Variants in NFATC3 observed in about 807,000 individuals in gnomAD.
NFATC3 encodes nuclear factor of activated T cells 3.
In NFATC3, 46 loss-of-function variants were observed where a neutral mutation model predicts 98.6. The ratio of observed to expected loss-of-function variants is 0.47; its 90% CI spans 0.37 to 0.60. NFATC3 has a LOEUF of 0.60. Ranked by LOEUF, NFATC3 falls within the 20% of genes least tolerant of loss-of-function variation. NFATC3 has a pLI of 0.00. For missense variants in NFATC3, 1,256 were observed against 1,295.5 expected, an observed-to-expected ratio of 0.97 and a Z score of 0.47; for synonymous variants, 512 against 472.2, an observed-to-expected ratio of 1.08 and a Z score of -1.09.
chr16:68,194,977 G>A (rs958237730), intron 9 of NFATC3, among the ~76,000 whole-genome samples: 1 of 152,110 alleles, frequency 6.6e-6, no homozygotes, highest in Non-Finnish European at 1.5e-5. Context: ...AAGGAGCCAG[G>A]TGCCGTGGCT....
chr16:68,176,913 T>C (rs772859674), intron 6 of NFATC3, among the ~76,000 whole-genome samples: 1 of 152,190 alleles, frequency 6.6e-6, no homozygotes, highest in Non-Finnish European at 1.5e-5. Flanking sequence ...CAGGGGACTG[T>C]CTTTGTGGGG....
chr16:68,112,123 C>G (rs2035976060), intron 1 of NFATC3, among the ~76,000 whole-genome samples: 2 of 151,994 alleles, frequency 1.3e-5, no homozygotes, highest in Non-Finnish European at 2.9e-5. Flanking sequence ...GAGTATCTTA[C>G]TGGGTTTCTC....
At chr16:68,116,219 A>G (rs1391906931) in intron 1 of NFATC3, among the ~76,000 whole-genome samples, 1 of 152,000 alleles carries the variant, frequency 6.6e-6, no homozygotes, top group Non-Finnish European at 1.5e-5. Flanking sequence ...GAAACCATTT[A>G]AAACCATTAG....
intron 1 of NFATC3, among the ~76,000 whole-genome samples, chr16:68,100,825 G>C (rs2035303733): frequency 6.6e-6 from 1 of 151,444 alleles, no homozygotes. Flanking sequence ...TTTTGGTCTA[G>C]TGTCTAAGTC....
At chr16:68,123,189 T>G in intron 2 of NFATC3, 68 bp downstream of exon 2, 1 of 1,480,984 alleles carries the variant, frequency 6.8e-7, no homozygotes, top group Non-Finnish European at 9.0e-7. Flanking sequence ...TATAACTACA[T>G]TATCAGTATA....
Position 68,121,975 on chromosome 16 carries a change from TCCTCCCCGTAGA to T in NFATC3, c.104-11_104del. The T allele has an allele frequency of 6.5e-7, 1 of 1,533,556 alleles. No individual in the cohort carries two copies. The allele number at this position is 1,533,556 out of a possible 1,614,324, so 95.0% of individuals were successfully genotyped here. A position where few individuals can be genotyped will look rare whatever the true frequency, so the allele number is the denominator to read the frequency against. On this transcript the variant is annotated splice_acceptor_variant and splice_polypyrimidine_tract_variant and coding_sequence_variant and intron_variant, in exon 2 of 10. Transcript: ENST00000346183. LOFTEE classifies it high-confidence loss of function. ...TTGTTGGGTTTTTTTTTTTTTGCCT[TCCTCCCCGTAGA>T]TCTTGAGCCAGATGATTGTGCATCC... is the stretch of plus-strand genomic sequence containing the variant.
chr16:68,184,440 G>A (rs1468858197), intron 8 of NFATC3, among the ~76,000 whole-genome samples: 2 of 152,168 alleles, frequency 1.3e-5, no homozygotes, highest in Admixed American at 1.3e-4. Context: ...ATGGCATGAA[G>A]TGTCCTGTTG....
Position 68,166,164 on chromosome 16 carries a change from A to G in NFATC3, c.1602-679A>G, listed in dbSNP as rs377075552. Among the ~76,000 whole-genome samples the G allele has an allele frequency of 4.6e-5, 7 of 152,300 alleles. No individual in the cohort carries two copies. The East Asian group carries it at 1.2e-3, about 25-fold the overall frequency. ...ACATGTGTAGAATTAAAGAGTCTTTACTTTATTTCAGCTGTCTGGTTCTAA... is the reference window on the plus strand; with the variant it reads ...ACATGTGTAGAATTAAAGAGTCTTTGCTTTATTTCAGCTGTCTGGTTCTAA... On this transcript the variant is annotated intron_variant, in intron 4 of 9. Coordinates refer to ENST00000346183, the MANE Select transcript of NFATC3 (RefSeq NM_173165.3).
At chr16:68,167,801 G>A (rs755803104) in intron 5 of NFATC3, among the ~76,000 whole-genome samples, 4 of 64,996 alleles carry the variant, frequency 6.2e-5, no homozygotes, top group Admixed American at 1.9e-4. Context: ...TCTGTTAACC[G>A]TATGTGTTCT....
intron 8 of NFATC3, among the ~76,000 whole-genome samples, chr16:68,188,112 G>T (rs561578812): frequency 1.3e-5 from 2 of 152,126 alleles, no homozygotes; most frequent in Admixed American, 6.6e-5. Context: ...ATACACACCC[G>T]GCTGGGTTGC....
chr16:68,183,536 C>T (rs1477086277), intron 8 of NFATC3, among the ~76,000 whole-genome samples, 170 bp downstream of exon 8: 1 of 152,130 alleles, frequency 6.6e-6, no homozygotes, highest in Non-Finnish European at 1.5e-5. Context: ...GATGTGGTCT[C>T]AGTTGTTATT....
chr16:68,151,992 C>G (rs982263862), intron 3 of NFATC3, among the ~76,000 whole-genome samples: 8 of 150,356 alleles, frequency 5.3e-5, no homozygotes, highest in African/African-American at 2.0e-4. Context: ...TCACTTGAAC[C>G]CGGGAGGCAG....
intron 5 of NFATC3, among the ~76,000 whole-genome samples, chr16:68,169,036 C>T (rs2039343442): frequency 6.6e-6 from 1 of 152,176 alleles, no homozygotes; most frequent in South Asian, 2.1e-4. Flanking sequence ...CCTCCCATCT[C>T]AGCCTCCCAA....
intron 9 of NFATC3, among the ~76,000 whole-genome samples, chr16:68,224,071 C>A (rs1179084751): frequency 1.3e-5 from 2 of 149,772 alleles, no homozygotes; most frequent in Non-Finnish European, 3.0e-5. Context: ...ATGGTGAAAC[C>A]CCGTCTCTAC....
Position 68,121,973 on chromosome 16 carries a change from C to A in NFATC3, c.104-14C>A. On this transcript the variant is annotated splice_polypyrimidine_tract_variant and intron_variant, in intron 1 of 9. Transcript: ENST00000346183. ...TTTTGTTGGGTTTTTTTTTTTTTGC[C>A]TTCCTCCCCGTAGATCTTGAGCCAG... is the stretch of plus-strand genomic sequence containing the variant. The A allele has an allele frequency of 6.8e-7, 1 of 1,476,314 alleles. No individual in the cohort carries two copies. The highest frequency in any genetic ancestry group is 9.0e-7 in the Non-Finnish European group (1 of 1,115,324). The allele number at this position is 1,476,314 out of a possible 1,614,324, so 91.5% of individuals were successfully genotyped here. A position where few individuals can be genotyped will look rare whatever the true frequency, so the allele number is the denominator to read the frequency against.
chr16:68,175,874 A>G lies in NFATC3; in HGVS notation c.1915+1360A>G, dbSNP rs188009370. 3.0e-3 allele frequency among the ~76,000 whole-genome samples: 457 copies of G among 152,294 alleles called. 4 individuals are homozygous for G. Among genetic ancestry groups the G allele is most frequent in the African/African-American group, 0.011 (446 of 41,570 alleles). The stretch of plus-strand genomic sequence containing the variant: ...GAAAGACTGTTTTTATAAGAATAAT[A>G]TAATATAACAAATACTTAAACCTAC... On this transcript the variant is annotated intron_variant, in intron 6 of 9. Coordinates refer to ENST00000346183, the MANE Select transcript of NFATC3 (RefSeq NM_173165.3).
At chr16:68,113,307 CTGTT>C (rs2036082832) in intron 1 of NFATC3, among the ~76,000 whole-genome samples, 1 of 152,104 alleles carries the variant, frequency 6.6e-6, no homozygotes, top group African/African-American at 2.4e-5. Flanking sequence ...TTGTTGCTTT[CTGTT>C]TGTTTTTCTT....
chr16:68,193,241 G>T (rs1189919631), intron 9 of NFATC3, among the ~76,000 whole-genome samples: 1 of 152,130 alleles, frequency 6.6e-6, no homozygotes, highest in Non-Finnish European at 1.5e-5. Flanking sequence ...TTATATAAGG[G>T]ACTTGCGCAT....
At chr16:68,217,531 T>C (rs952793611) in intron 9 of NFATC3, among the ~76,000 whole-genome samples, 4 of 151,370 alleles carry the variant, frequency 2.6e-5, no homozygotes, top group African/African-American at 9.7e-5. Context: ...TTGCTTACAG[T>C]ACTTAAATAT....
Sources: gnomAD v4.1 joint callset for allele counts (sites outside exome capture counted in the v4.1 genomes callset) on GRCh38, gnomAD v4.1.1 for gene constraint, MANE v1.5 for transcripts, NCBI Gene and HGNC (gene_info 2026-07-23, HGNC 2026-07-21) for gene names.